Variants in TACR3 observed in about 807,000 individuals in gnomAD.
The protein encoded by TACR3 is neuromedin-K receptor.
In TACR3, 34 loss-of-function variants were observed where a neutral mutation model predicts 35.0. The ratio of observed to expected loss-of-function variants is 0.97; its 90% confidence interval spans 0.74 to 1.30. The LOEUF (loss-of-function observed/expected upper bound fraction) is 1.30, where lower values mean the gene tolerates loss of function less well. Among genes scored for constraint, TACR3 ranks in the 50% most tolerant of loss-of-function variants. TACR3 has a pLI of 0.00. For missense variants in TACR3, 558 were observed against 591.7 expected (o/e 0.94, Z 0.59); for synonymous variants, 233 against 221.1 (o/e 1.05, Z -0.48).
chr4:103,598,666 A>G (rs1414339553), intron 3 of TACR3, among the ~76,000 whole-genome samples: 2 of 152,284 alleles, frequency 1.3e-5, no homozygotes, highest in South Asian at 2.1e-4. Context: ...TCAGCTTTCT[A>G]CATATGGCTA....
intron 4 of TACR3, 86 bp from the exon 5 acceptor site, chr4:103,590,080 C>A: frequency 6.6e-7 from 1 of 1,506,610 alleles, no homozygotes; most frequent in Non-Finnish European, 9.0e-7. Context: ...CTACCTAAGG[C>A]AGTTATAACA....
chr4:103,658,539 T>C (rs1246071611), intron 1 of TACR3, 136 bp from the exon 2 acceptor site: 1 of 759,760 alleles, frequency 1.3e-6, no homozygotes, highest in Non-Finnish European at 2.2e-6. Flanking sequence ...TAAGGACTGC[T>C]TGAGTAGAGG....
chr4:103,652,467 G>A (rs1261964271), intron 3 of TACR3, among the ~76,000 whole-genome samples: 2 of 152,076 alleles, frequency 1.3e-5, no homozygotes, highest in Non-Finnish European at 2.9e-5. Context: ...GGGTGTCACT[G>A]GCAATTCAAG....
intron 3 of TACR3, among the ~76,000 whole-genome samples, chr4:103,601,055 G>A (rs1165105386): frequency 2.6e-5 from 4 of 151,994 alleles, no homozygotes; most frequent in Non-Finnish European, 5.9e-5. Flanking sequence ...GTTGACAGTG[G>A]GATGTTAAAG....
At chr4:103,659,331 C>T (rs539747332) in intron 1 of TACR3, among the ~76,000 whole-genome samples, 2 of 152,160 alleles carry the variant, frequency 1.3e-5, no homozygotes, top group Non-Finnish European at 2.9e-5. Flanking sequence ...ATTGGAAAAG[C>T]ACTTAATAAG....
intron 3 of TACR3, among the ~76,000 whole-genome samples, chr4:103,636,209 A>C (rs1725185611): frequency 6.6e-6 from 1 of 152,008 alleles, no homozygotes; most frequent in Admixed American, 6.6e-5. Flanking sequence ...AGTATGTAGC[A>C]AAAGGAGCTG....
At chr4:103,682,040 T>C (rs1722106168) in intron 1 of TACR3, among the ~76,000 whole-genome samples, 2 of 152,190 alleles carry the variant, frequency 1.3e-5, no homozygotes, top group African/African-American at 4.8e-5. Context: ...GTGTAATAAC[T>C]TGTCATCAAC....
At chr4:103,688,124 C>T (rs1578258101) in intron 1 of TACR3, among the ~76,000 whole-genome samples, 1 of 152,146 alleles carries the variant, frequency 6.6e-6, no homozygotes, top group Non-Finnish European at 1.5e-5. Flanking sequence ...CTTTGACAAA[C>T]TTGAGAAAAA....
intron 3 of TACR3, among the ~76,000 whole-genome samples, chr4:103,610,347 T>C (rs1019795266): frequency 6.6e-6 from 1 of 152,146 alleles, no homozygotes; most frequent in Non-Finnish European, 1.5e-5. Flanking sequence ...TCATTGTGAT[T>C]CTAATTTGTG....
In TACR3 at chr4:103,631,659, G is replaced by C. The variant is rs75600397; in HGVS notation, c.888+24535C>G. On this transcript the variant is annotated intron_variant, in intron 3 of 4. Transcript: ENST00000304883. ...AGCTGAGTACCGTGTTGGAAATTAG[G>C]AAGCCTAAAGTCCACAATTGGCTCT... Among the ~76,000 whole-genome samples the C allele has an allele frequency of 8.6e-3, 1,312 of 152,204 alleles. 16 individuals carry two copies. The highest frequency in any genetic ancestry group is 0.03 in the African/African-American group (1,235 of 41,534).
At chr4:103,628,684 A>G (rs555783925) in intron 3 of TACR3, among the ~76,000 whole-genome samples, 3 of 152,308 alleles carry the variant, frequency 2.0e-5, no homozygotes, top group South Asian at 2.1e-4. Context: ...AAAATCCAGG[A>G]CCAGATAGAT....
intron 3 of TACR3, among the ~76,000 whole-genome samples, chr4:103,654,398 T>G (rs1725686509): frequency 1.6e-5 from 2 of 122,760 alleles, no homozygotes; most frequent in South Asian, 2.3e-4. Context: ...TCCTTTGTAG[T>G]GACATGGATG....
At chr4:103,653,459 TTTTAA>T (rs1302048873) in intron 3 of TACR3, among the ~76,000 whole-genome samples, 6 of 152,250 alleles carry the variant, frequency 3.9e-5, no homozygotes, top group African/African-American at 1.4e-4. Context: ...ACTGGGTTTA[TTTTAA>T]TTTGTTTAGG....
At chr4:103,680,789 T>A (rs1021768133) in intron 1 of TACR3, among the ~76,000 whole-genome samples, 4 of 151,728 alleles carry the variant, frequency 2.6e-5, no homozygotes, top group African/African-American at 9.7e-5. Flanking sequence ...TTTTAAACTC[T>A]CTATAATAAG....
At chr4:103,597,621 G>T (rs1175958417) in intron 3 of TACR3, among the ~76,000 whole-genome samples, 1 of 125,516 alleles carries the variant, frequency 8.0e-6, no homozygotes, top group Non-Finnish European at 1.7e-5. Context: ...CACCCCACAA[G>T]AGTCCCCAGT....
At chr4:103,706,366 T>C (rs1199906931) in intron 1 of TACR3, among the ~76,000 whole-genome samples, 2 of 152,162 alleles carry the variant, frequency 1.3e-5, no homozygotes, top group Non-Finnish European at 1.5e-5. Context: ...TATTAAAAAA[T>C]TGAACTAAAT....
chr4:103,679,520 T>G (rs1304310154), intron 1 of TACR3, among the ~76,000 whole-genome samples: 1 of 152,004 alleles, frequency 6.6e-6, no homozygotes, highest in African/African-American at 2.4e-5. Context: ...CCACATCAGA[T>G]GTCCTTTCAT....
chr4:103,712,703 G>A (rs1169118438), intron 1 of TACR3, among the ~76,000 whole-genome samples: 2 of 152,122 alleles, frequency 1.3e-5, no homozygotes, highest in African/African-American at 2.4e-5. Flanking sequence ...CAGAATGGGA[G>A]AAAATTTTTG....
chr4:103,681,382 C>A (rs1722082523), intron 1 of TACR3, among the ~76,000 whole-genome samples: 1 of 152,012 alleles, frequency 6.6e-6, no homozygotes, highest in Non-Finnish European at 1.5e-5. Context: ...GTCATAACAT[C>A]TCTCATTTAT....
Sources: allele counts gnomAD v4.1 joint callset (sites outside exome capture counted in the v4.1 genomes callset), GRCh38; gene constraint gnomAD v4.1.1; transcripts MANE v1.5; gene names NCBI Gene and HGNC (gene_info 2026-07-23, HGNC 2026-07-21).